RBFOX1: variants seen among roughly 807,000 people sequenced by gnomAD.
The protein encoded by RBFOX1 is RNA binding protein fox-1 homolog 1.
Under a neutral mutation model 57.7 loss-of-function variants are expected in RBFOX1, and 8 were observed. The ratio of observed to expected loss-of-function variants is 0.14; its 90% CI spans 0.08 to 0.25. The LOEUF (loss-of-function observed/expected upper bound fraction) is 0.25. RBFOX1 is among the 10% of genes least tolerant of loss of function. The pLI, the probability that RBFOX1 is intolerant of heterozygous loss-of-function variation, is 1.00. For missense variants in RBFOX1, 611 were observed against 548.5 expected, an observed-to-expected ratio of 1.11 and a Z score of -1.14; for synonymous variants, 326 against 222.4, an observed-to-expected ratio of 1.47 and a Z score of -4.15.
intron 4 of RBFOX1, among the ~76,000 whole-genome samples, chr16:7,348,419 A>G (rs1045049513): frequency 6.9e-6 from 1 of 145,798 alleles, no homozygotes; most frequent in Non-Finnish European, 1.5e-5. Flanking sequence ...TACCTCATGA[A>G]TATTTTCTGT....
chr16:7,575,565 CA>C (rs933772699), intron 5 of RBFOX1, among the ~76,000 whole-genome samples: 52 of 152,276 alleles, frequency 3.4e-4, no homozygotes, highest in African/African-American at 1.3e-3. Flanking sequence ...CTGCAGCCAA[CA>C]AAAGCTAAAT....
intron 4 of RBFOX1, among the ~76,000 whole-genome samples, chr16:7,472,530 C>T (rs920902687): frequency 2.0e-5 from 3 of 152,100 alleles, no homozygotes; most frequent in African/African-American, 4.8e-5. Flanking sequence ...TTTTAGAATG[C>T]GATATTTATG....
intron 3 of RBFOX1, among the ~76,000 whole-genome samples, chr16:6,738,455 A>G (rs1416911702): frequency 2.0e-5 from 3 of 152,290 alleles, no homozygotes; most frequent in African/African-American, 4.8e-5. Flanking sequence ...CTGAATGTGT[A>G]TGTATCGAAT....
chr16:6,033,201 A>G (rs943409708), intron 1 of RBFOX1, among the ~76,000 whole-genome samples: 7 of 152,350 alleles, frequency 4.6e-5, no homozygotes, highest in African/African-American at 1.4e-4. Flanking sequence ...CACTCAAATA[A>G]TTAAAAACTA....
At chr16:6,410,970 C>G (rs1464633991) in intron 2 of RBFOX1, among the ~76,000 whole-genome samples, 2 of 152,134 alleles carry the variant, frequency 1.3e-5, no homozygotes, top group Admixed American at 1.3e-4. Flanking sequence ...CTGAACATCC[C>G]CACAATAACC....
At chr16:6,328,314 C>G (rs998890032) in intron 2 of RBFOX1, among the ~76,000 whole-genome samples, 1 of 152,148 alleles carries the variant, frequency 6.6e-6, no homozygotes, top group East Asian at 1.9e-4. Context: ...TAAAAGACTA[C>G]AAACTGGGTT....
intron 14 of RBFOX1, 91 bp downstream of exon 14, chr16:7,676,929 C>A: frequency 7.6e-7 from 1 of 1,313,776 alleles, no homozygotes; most frequent in Non-Finnish European, 1.1e-6. Flanking sequence ...GGTGAAACTG[C>A]ATGACTGCTG....
intron 4 of RBFOX1, among the ~76,000 whole-genome samples, chr16:7,395,006 G>A (rs2098118233): frequency 6.6e-6 from 1 of 152,172 alleles, no homozygotes. Flanking sequence ...AATGTAATGG[G>A]CTGTGGTTGT....
chr16:6,881,439 G>A (rs886511998), intron 3 of RBFOX1, among the ~76,000 whole-genome samples: 7 of 152,166 alleles, frequency 4.6e-5, no homozygotes, highest in Non-Finnish European at 8.8e-5. Flanking sequence ...TCTGAGGGCT[G>A]TGAGCAAAGG....
intron 3 of RBFOX1, among the ~76,000 whole-genome samples, chr16:6,666,372 C>T (rs946326135): frequency 2.0e-5 from 3 of 151,944 alleles, no homozygotes; most frequent in African/African-American, 2.4e-5. Context: ...TTGTCTCTAC[C>T]ACAAGTACAA....
chr16:6,748,195 T>C (rs1486908883), intron 3 of RBFOX1, among the ~76,000 whole-genome samples: 5 of 152,174 alleles, frequency 3.3e-5, no homozygotes, highest in African/African-American at 1.2e-4. Flanking sequence ...TTTAATTGGA[T>C]ATCCTTATGG....
chr16:6,229,823 G>A (rs528682140), intron 1 of RBFOX1, among the ~76,000 whole-genome samples: 4 of 151,860 alleles, frequency 2.6e-5, no homozygotes, highest in Admixed American at 1.3e-4. Flanking sequence ...TCTTAGACTC[G>A]GTGGTCTTTA....
At chr16:7,028,584 TCACA>T (rs59540999) in intron 3 of RBFOX1, among the ~76,000 whole-genome samples, 1,167 of 54,984 alleles carry the variant, frequency 0.021, 71 homozygotes, top group East Asian at 0.04. Flanking sequence ...TGAAACTCCC[TCACA>T]CACACACACA....
chr16:7,422,173 C>A (rs1340314531), intron 4 of RBFOX1, among the ~76,000 whole-genome samples: 2 of 152,022 alleles, frequency 1.3e-5, no homozygotes, highest in African/African-American at 4.8e-5. Flanking sequence ...CGTGTGTGTG[C>A]GTGTGCTTGT....
intron 2 of RBFOX1, among the ~76,000 whole-genome samples, chr16:5,588,967 G>C (rs1172732687): frequency 2.0e-5 from 3 of 152,144 alleles, no homozygotes; most frequent in Non-Finnish European, 4.4e-5. Flanking sequence ...GATGGTTTGG[G>C]GCTGCCTAGA....
intron 4 of RBFOX1, among the ~76,000 whole-genome samples, chr16:5,988,034 A>C (rs2060315947): frequency 6.6e-6 from 1 of 152,132 alleles, no homozygotes; most frequent in African/African-American, 2.4e-5. Flanking sequence ...GTACTTCACC[A>C]GCTCTAGTTT....
intron 3 of RBFOX1, among the ~76,000 whole-genome samples, chr16:6,870,800 T>A (rs564764546): frequency 6.6e-6 from 1 of 152,226 alleles, no homozygotes; most frequent in African/African-American, 2.4e-5. Flanking sequence ...GCAACTAATT[T>A]ATGAGGCAAT....
chr16:6,501,493 T>C (rs1171797704), intron 2 of RBFOX1, among the ~76,000 whole-genome samples: 3 of 152,088 alleles, frequency 2.0e-5, no homozygotes, highest in Admixed American at 1.3e-4. Flanking sequence ...GGCTGCATAG[T>C]ACTCCATGGT....
chr16:5,281,105 G>T (rs2063261360), intron 1 of RBFOX1, among the ~76,000 whole-genome samples: 1 of 152,002 alleles, frequency 6.6e-6, no homozygotes, highest in South Asian at 2.1e-4. Context: ...TGCTTTTGCT[G>T]TGTGCCATAG....
Sources: gnomAD v4.1 joint callset for allele counts (sites outside exome capture counted in the v4.1 genomes callset) on GRCh38, gnomAD v4.1.1 for gene constraint, MANE v1.5 for transcripts, NCBI Gene and HGNC (gene_info 2026-07-23, HGNC 2026-07-21) for gene names.